SOX5: variants seen among roughly 807,000 people sequenced by gnomAD.
The protein encoded by SOX5 is SRY-box transcription factor 5, also known as transcription factor SOX-5.
SOX5 carries 9 observed loss-of-function variants against 92.0 expected under a neutral mutation model. That is an observed-to-expected ratio of 0.10 (90% confidence interval 0.06 to 0.17). SOX5 has a LOEUF of 0.17. Among genes scored for constraint, SOX5 ranks in the 10% least tolerant of loss-of-function variants. SOX5 has a pLI of 1.00. For missense variants in SOX5, 642 were observed against 944.5 expected, an observed-to-expected ratio of 0.68 and a Z score of 4.20; for synonymous variants, 344 against 336.3, an observed-to-expected ratio of 1.02 and a Z score of -0.25.
chr12:23,882,056 A>G (rs1267845946), intron 2 of SOX5, among the ~76,000 whole-genome samples: 2 of 152,232 alleles, frequency 1.3e-5, no homozygotes, highest in African/African-American at 2.4e-5. Flanking sequence ...ATGTTTAATC[A>G]TCAAGAATTA....
chr12:23,826,116 T>C (rs986638015), intron 3 of SOX5, among the ~76,000 whole-genome samples: 2 of 152,118 alleles, frequency 1.3e-5, no homozygotes, highest in African/African-American at 2.4e-5. Context: ...GCTGGTGTGC[T>C]GCACCCAGTA....
chr12:24,330,070 C>T (rs1395621257), intron 2 of SOX5, among the ~76,000 whole-genome samples: 3 of 151,742 alleles, frequency 2.0e-5, no homozygotes, highest in East Asian at 1.9e-4. Flanking sequence ...AAAGTATCCA[C>T]CAATAGAATT....
intron 2 of SOX5, among the ~76,000 whole-genome samples, chr12:23,850,727 T>C (rs1317903083): frequency 6.6e-6 from 1 of 152,142 alleles, no homozygotes; most frequent in African/African-American, 2.4e-5. Context: ...TTGATTAAAA[T>C]AATTTTTCAT....
intron 7 of SOX5, among the ~76,000 whole-genome samples, chr12:23,653,728 T>C (rs1412597314): frequency 6.6e-6 from 1 of 152,092 alleles, no homozygotes; most frequent in Non-Finnish European, 1.5e-5. Flanking sequence ...GGGCCACTCT[T>C]ATAAGGACTT....
At chr12:23,664,328 T>TATAC (rs2083478051) in intron 7 of SOX5, among the ~76,000 whole-genome samples, 1 of 151,742 alleles carries the variant, frequency 6.6e-6, no homozygotes, top group Admixed American at 6.6e-5. Context: ...TTAACATATA[T>TATAC]ATATATATAA....
intron 11 of SOX5, among the ~76,000 whole-genome samples, chr12:23,556,687 GCAA>G (rs1202432187): frequency 1.4e-4 from 22 of 152,018 alleles, no homozygotes; most frequent in Admixed American, 1.4e-3. Flanking sequence ...TTAGCTAAAG[GCAA>G]CATTTATAAA....
At chr12:23,829,946 A>G (rs2096288137) in intron 3 of SOX5, among the ~76,000 whole-genome samples, 1 of 152,158 alleles carries the variant, frequency 6.6e-6, no homozygotes, top group Non-Finnish European at 1.5e-5. Flanking sequence ...CAACACTGGT[A>G]CTCAGCTCCA....
At chr12:24,525,013 A>G (rs1044829455) in intron 1 of SOX5, among the ~76,000 whole-genome samples, 11 of 152,180 alleles carry the variant, frequency 7.2e-5, no homozygotes, top group Non-Finnish European at 1.5e-4. Context: ...TAAAAATAGA[A>G]CTATCATATT....
intron 3 of SOX5, among the ~76,000 whole-genome samples, chr12:24,216,770 A>T (rs1959188493): frequency 6.6e-6 from 1 of 152,120 alleles, no homozygotes; most frequent in South Asian, 2.1e-4. Flanking sequence ...TCTACCAAAA[A>T]TACAAAAATT....
intron 4 of SOX5, among the ~76,000 whole-genome samples, chr12:24,050,535 T>C (rs760411221): frequency 1.1e-4 from 16 of 152,154 alleles, no homozygotes; most frequent in Non-Finnish European, 2.4e-4. Context: ...ATCCACAAAA[T>C]TGAATCTGAG....
chr12:23,986,452 TTATCAA>T lies in SOX5; in HGVS notation c.-1-90434_-1-90429del, dbSNP rs1204805258. On this transcript the variant is annotated intron_variant, in intron 4 of 4. Transcript: ENST00000446891. ...GCTCATTAAGTACAAATCACTGTTATTATCAATATCAAGTTAAGGTGATAATGTAGC... is the reference window on the plus strand; with the variant it reads ...GCTCATTAAGTACAAATCACTGTTATTATCAAGTTAAGGTGATAATGTAGC... 2.6e-5 allele frequency among the ~76,000 whole-genome samples: 4 copies of T among 152,190 alleles called. No homozygotes were observed. In the East Asian group the frequency reaches 5.8e-4, roughly 22 times the overall value.
chr12:24,176,793 T>A (rs944356702), intron 4 of SOX5, among the ~76,000 whole-genome samples: 1 of 152,114 alleles, frequency 6.6e-6, no homozygotes, highest in African/African-American at 2.4e-5. Context: ...ATGTCCTGGA[T>A]TTCCCATATT....
chr12:24,378,142 T>C lies in SOX5; in HGVS notation c.-250-9503A>G, dbSNP rs559358276. 7.2e-5 allele frequency among the ~76,000 whole-genome samples: 11 copies of C among 152,346 alleles called. No individual in the cohort carries two copies. In the East Asian group the frequency reaches 7.7e-4, roughly 11 times the overall value. On this transcript the variant is annotated intron_variant, in intron 1 of 4. Transcript: ENST00000446891. ...CTAGCTTCCAGCCTTAGCTTCATCA[T>C]TGATAGTTGAGCTGTGGAAAGTCAA...
chr12:23,934,165 T>C (rs1942025917), intron 1 of SOX5, among the ~76,000 whole-genome samples: 1 of 151,448 alleles, frequency 6.6e-6, no homozygotes, highest in African/African-American at 2.4e-5. Context: ...TAAAATAAAT[T>C]ATTCCCTCAG....
At chr12:24,280,680 G>A (rs1350195562) in intron 2 of SOX5, among the ~76,000 whole-genome samples, 7 of 151,864 alleles carry the variant, frequency 4.6e-5, no homozygotes, top group Non-Finnish European at 2.9e-5. Context: ...GATACAGCAG[G>A]GACACAATCA....
chr12:24,300,805 T>G (rs955027549), intron 2 of SOX5, among the ~76,000 whole-genome samples: 5 of 152,236 alleles, frequency 3.3e-5, no homozygotes, highest in Non-Finnish European at 7.3e-5. Flanking sequence ...ATTTTACTGT[T>G]GCAGGGACCA....
At chr12:24,012,926 A>G (rs973887869) in intron 4 of SOX5, among the ~76,000 whole-genome samples, 5 of 152,172 alleles carry the variant, frequency 3.3e-5, no homozygotes, top group African/African-American at 1.2e-4. Flanking sequence ...AATAGGAACT[A>G]TTGATAAATC....
chr12:23,793,673 C>T (rs1007530251), intron 3 of SOX5, among the ~76,000 whole-genome samples: 4 of 152,094 alleles, frequency 2.6e-5, no homozygotes, highest in African/African-American at 4.8e-5. Context: ...AGCCAGGTTC[C>T]GAACTTAACA....
At chr12:23,594,220 G>A (rs1031051693) in intron 9 of SOX5, among the ~76,000 whole-genome samples, 3 of 151,592 alleles carry the variant, frequency 2.0e-5, no homozygotes, top group Admixed American at 6.6e-5. Flanking sequence ...AACAAAACAG[G>A]AAGTATTCTG....
Sources: allele counts gnomAD v4.1 joint callset (sites outside exome capture counted in the v4.1 genomes callset), GRCh38; gene constraint gnomAD v4.1.1; transcripts MANE v1.5; gene names NCBI Gene and HGNC (gene_info 2026-07-23, HGNC 2026-07-21).